The following DIP2C variants were observed in gnomAD, a reference collection of about 807,000 sequenced individuals.
The protein encoded by DIP2C is DIP2 acetate--CoA ligase C (putative).
In DIP2C, 33 loss-of-function variants were observed where a neutral mutation model predicts 192.4. The observed-to-expected ratio is 0.17, with a 90% CI of 0.13 to 0.23. The LOEUF (loss-of-function observed/expected upper bound fraction) is 0.23, where lower values mean the gene tolerates loss of function less well. DIP2C is among the 10% of genes least tolerant of loss of function. The pLI is 1.00. For missense variants in DIP2C, 1,537 were observed against 2,110.1 expected, an observed-to-expected ratio of 0.73 and a Z score of 5.32; for synonymous variants, 979 against 864.1, an observed-to-expected ratio of 1.13 and a Z score of -2.33.
At chr10:664,942 A>G (rs955690361) in intron 1 of DIP2C, 1 of 152,224 alleles carries the variant, frequency 6.6e-6, no homozygotes, top group African/African-American at 2.4e-5. Flanking sequence ...TAAAACCTTT[A>G]TAACGATGTT....
intron 29 of DIP2C, among the ~76,000 whole-genome samples, chr10:330,039 C>T (rs1215408399): frequency 6.6e-6 from 1 of 152,172 alleles, no homozygotes; most frequent in Non-Finnish European, 1.5e-5. Context: ...AACAGGGCCA[C>T]CACCACTCAT....
intron 32 of DIP2C, among the ~76,000 whole-genome samples, chr10:300,977 T>C (rs942834509): frequency 1.3e-5 from 2 of 152,212 alleles, no homozygotes; most frequent in African/African-American, 4.8e-5. Flanking sequence ...AAATAAGCTT[T>C]TCTGTTTATT....
At chr10:384,734 G>A (rs1051346159) in intron 14 of DIP2C, 95 bp from the exon 15 acceptor site, 26 of 1,251,600 alleles carry the variant, frequency 2.1e-5, no homozygotes, top group Middle Eastern at 2.2e-4. Context: ...CGCACGGGCA[G>A]GGGGGAGCTC....
intron 31 of DIP2C, among the ~76,000 whole-genome samples, chr10:311,099 GAC>G (rs1345426709): frequency 6.6e-6 from 1 of 151,910 alleles, no homozygotes; most frequent in African/African-American, 2.4e-5. Context: ...TCACCACTGA[GAC>G]AGGGAAAAAG....
At chr10:407,523 C>G (rs1964891363) in intron 9 of DIP2C, among the ~76,000 whole-genome samples, 3 of 152,172 alleles carry the variant, frequency 2.0e-5, no homozygotes, top group Non-Finnish European at 4.4e-5. Context: ...TTCGGAGAGG[C>G]TGCACCATTT....
intron 1 of DIP2C, among the ~76,000 whole-genome samples, chr10:567,131 C>T (rs1474679550): frequency 6.6e-6 from 1 of 152,132 alleles, no homozygotes; most frequent in Non-Finnish European, 1.5e-5. Context: ...TCAGAGCTGC[C>T]AAATCAAATC....
Position 689,087 on chromosome 10 carries a change from G to A in DIP2C, c.85+407C>T, listed in dbSNP as rs1039968089. Among the ~76,000 whole-genome samples, 7 of 152,156 alleles carry A rather than the reference G, an allele frequency of 4.6e-5. No individual in the cohort carries two copies. The highest frequency in any genetic ancestry group is 1.7e-4 in the African/African-American group (7 of 41,450). On this transcript the variant is annotated intron_variant, in intron 1 of 36. Coordinates refer to ENST00000280886, the MANE Select transcript of DIP2C (RefSeq NM_014974.3). This position sits in a 1 kb window ranked among gnomAD's most constrained non-coding sequence, Gnocchi z 6.1. Reference sequence around the variant, plus strand: ...CCAGCGCAGAGCGCACGGGAAGGCCGATCCCGCCGGGCCCGCTGCATCCTG... The same window carrying A: ...CCAGCGCAGAGCGCACGGGAAGGCCAATCCCGCCGGGCCCGCTGCATCCTG...
At chr10:589,052 G>A (rs141775140) in intron 1 of DIP2C, among the ~76,000 whole-genome samples, 77 of 152,200 alleles carry the variant, frequency 5.1e-4, no homozygotes, top group East Asian at 9.7e-4. Flanking sequence ...AAAATTCACC[G>A]CAGCTGCAAT....
chr10:297,656 A>T (rs1233535853), intron 32 of DIP2C, among the ~76,000 whole-genome samples: 2 of 152,242 alleles, frequency 1.3e-5, no homozygotes, highest in East Asian at 1.9e-4. Context: ...AGAACAGTGC[A>T]TACTGGAGGC....
rs571932917 is a variant in DIP2C at position 381,068 on chromosome 10, CTT to C, written c.1991+1577_1991+1578del. On this transcript the variant is annotated intron_variant, in intron 17 of 36. Transcript: ENST00000280886. ...TTTCATCAAATTTATTCAAAAGTAA[CTT>C]AAACATCAGGGTAACGAAAGGTACA... 2.5e-3 allele frequency among the ~76,000 whole-genome samples: 384 copies of C among 152,298 alleles called. 1 individual carries two copies. The highest frequency in any genetic ancestry group is 8.6e-3 in the African/African-American group (359 of 41,552).
chr10:381,252 T>C (rs1192853306), intron 17 of DIP2C, among the ~76,000 whole-genome samples: 3 of 152,172 alleles, frequency 2.0e-5, no homozygotes, highest in Non-Finnish European at 1.5e-5. Context: ...GGTTTAAATA[T>C]GCATCATATG....
In DIP2C at chr10:455,354, A is replaced by ACT. The variant is rs200822424; in HGVS notation, c.269-14360_269-14359dup. 1.9e-3 allele frequency among the ~76,000 whole-genome samples: 227 copies of ACT among 118,764 alleles called. 1 individual carries two copies. Among genetic ancestry groups the ACT allele is most frequent in the African/African-American group, 4.7e-3 (159 of 33,736 alleles). 77.9% of individuals were successfully genotyped at this position (118,764 alleles called of 152,430 possible). ...CGTGAGGAATAAATGAGATGAAAACACTGCAGTGAGTCCCTGCCTGAGGGG... is the reference window on the plus strand; with the variant it reads ...CGTGAGGAATAAATGAGATGAAAACACTCTGCAGTGAGTCCCTGCCTGAGGGG... On this transcript the variant is annotated intron_variant, in intron 3 of 36. Transcript: ENST00000280886.
At chr10:606,458 G>C (rs533929071) in intron 1 of DIP2C, among the ~76,000 whole-genome samples, 15 of 150,670 alleles carry the variant, frequency 1.0e-4, no homozygotes, top group African/African-American at 3.2e-4. Flanking sequence ...CTCTCGCCCC[G>C]CTGCGGTAAT....
intron 1 of DIP2C, among the ~76,000 whole-genome samples, chr10:492,940 A>G (rs1844550344): frequency 6.6e-6 from 1 of 152,242 alleles, no homozygotes; most frequent in Admixed American, 6.5e-5. Flanking sequence ...AAAAGAGAAT[A>G]ATGTAGTATT....
chr10:446,285 G>A (rs1487005411), intron 3 of DIP2C, among the ~76,000 whole-genome samples: 1 of 151,932 alleles, frequency 6.6e-6, no homozygotes, highest in African/African-American at 2.4e-5. Flanking sequence ...GGTCCACTGG[G>A]CATCTATATA....
intron 9 of DIP2C, among the ~76,000 whole-genome samples, chr10:401,396 T>C (rs1175209269): frequency 2.0e-5 from 3 of 151,688 alleles, no homozygotes; most frequent in Non-Finnish European, 2.9e-5. Context: ...GTTTCGTACA[T>C]TTTCATCAGC....
intron 3 of DIP2C, among the ~76,000 whole-genome samples, chr10:467,914 G>C (rs1970350374): frequency 6.6e-6 from 1 of 152,086 alleles, no homozygotes; most frequent in South Asian, 2.1e-4. Context: ...TAACAAACCT[G>C]CATGTTCTGC....
rs531184075 is a variant in DIP2C, at chr10:548,060, C to A, written c.86-61530G>T. Among the ~76,000 whole-genome samples, 59 of 152,302 alleles carry A rather than the reference C, an allele frequency of 3.9e-4. 2 individuals are homozygous for A. The highest frequency in any genetic ancestry group is 3.5e-3 in the Admixed American group (54 of 15,300). ...TCTGCAATGCTTCATTTAGGAGGTGCTTGTGTTGCCTCATTGGCTGTGATC... is the reference window on the plus strand; with the variant it reads ...TCTGCAATGCTTCATTTAGGAGGTGATTGTGTTGCCTCATTGGCTGTGATC... On this transcript the variant is annotated intron_variant, in intron 1 of 36. Transcript: ENST00000280886.
chr10:391,545 C>G (rs943628124), intron 10 of DIP2C, among the ~76,000 whole-genome samples: 1 of 152,244 alleles, frequency 6.6e-6, no homozygotes, highest in Non-Finnish European at 1.5e-5. Context: ...CACTCCTGTC[C>G]AGCTGCCCAA....
Sources: allele counts gnomAD v4.1 joint callset (sites outside exome capture counted in the v4.1 genomes callset), GRCh38; gene constraint gnomAD v4.1.1; non-coding constraint Gnocchi (gnomAD v3.1); transcripts MANE v1.5; gene names NCBI Gene and HGNC (gene_info 2026-07-23, HGNC 2026-07-21).